Variants in FOXP1 observed in about 807,000 individuals in gnomAD.
The protein encoded by FOXP1 is forkhead box P1, also known as forkhead box protein P1.
In FOXP1, 15 loss-of-function variants were observed where a neutral mutation model predicts 98.2. The ratio of observed to expected loss-of-function variants is 0.15; its 90% CI spans 0.10 to 0.24. The LOEUF is 0.24. Ranked by LOEUF, FOXP1 falls within the 10% of genes least tolerant of loss-of-function variation. FOXP1 has a pLI of 1.00. For missense variants in FOXP1, 633 were observed against 848.5 expected (o/e 0.75, Z 3.15); for synonymous variants, 371 against 314.5 (o/e 1.18, Z -1.90).
At chr3:71,129,151 C>T (rs898970263) in intron 6 of FOXP1, among the ~76,000 whole-genome samples, 1 of 152,042 alleles carries the variant, frequency 6.6e-6, no homozygotes, top group African/African-American at 2.4e-5. Flanking sequence ...GCCCACTGTT[C>T]CCACACTGAG....
At chr3:71,397,012 A>ATATATACACACATATATGTG (rs1560425048) in intron 3 of FOXP1, among the ~76,000 whole-genome samples, 2 of 33,644 alleles carry the variant, frequency 5.9e-5, no homozygotes, top group African/African-American at 2.6e-4. Context: ...ATATGTGTAT[A>ATATATACACACATATATGTG]TATATATATA....
chr3:71,180,832 T>C (rs2062245620), intron 6 of FOXP1, among the ~76,000 whole-genome samples: 1 of 152,222 alleles, frequency 6.6e-6, no homozygotes, highest in Non-Finnish European at 1.5e-5. Flanking sequence ...TCAATTCAGA[T>C]TCTGGAGGCA....
chr3:71,376,828 C>G (rs2079751479), intron 3 of FOXP1, among the ~76,000 whole-genome samples: 1 of 152,058 alleles, frequency 6.6e-6, no homozygotes, highest in South Asian at 2.1e-4. Context: ...CATGTACATT[C>G]TCCAGAATGT....
At chr3:71,328,240 C>A (rs1168547605) in intron 4 of FOXP1, among the ~76,000 whole-genome samples, 1 of 151,644 alleles carries the variant, frequency 6.6e-6, no homozygotes, top group African/African-American at 2.4e-5. Flanking sequence ...ACCAGCTTGG[C>A]CAACATGGTA....
intron 7 of FOXP1, among the ~76,000 whole-genome samples, chr3:71,112,049 C>T (rs144345443): frequency 0.012 from 1,731 of 144,022 alleles, 16 homozygotes; most frequent in African/African-American, 0.032. Context: ...GCCAGCAACA[C>T]CTCTGCCCTG....
chr3:71,094,789 T>C (rs911456798), intron 7 of FOXP1, among the ~76,000 whole-genome samples: 2 of 152,322 alleles, frequency 1.3e-5, no homozygotes, highest in African/African-American at 4.8e-5. Flanking sequence ...ATGGTGGAGA[T>C]GAGAGCTATC....
chr3:70,990,053 T>C (rs2040371251), intron 13 of FOXP1, among the ~76,000 whole-genome samples: 1 of 152,208 alleles, frequency 6.6e-6, no homozygotes, highest in African/African-American at 2.4e-5. Flanking sequence ...TTCATATTTT[T>C]CCATGAGCAC....
chr3:70,998,083 C>T, intron 13 of FOXP1, among the ~76,000 whole-genome samples: 1 of 152,166 alleles, frequency 6.6e-6, no homozygotes, highest in East Asian at 1.9e-4. Flanking sequence ...GCAGCCAGAA[C>T]CTAAGGGGAC....
At chr3:71,397,379 T>C (rs1191996291) in intron 3 of FOXP1, among the ~76,000 whole-genome samples, 1 of 151,966 alleles carries the variant, frequency 6.6e-6, no homozygotes, top group Non-Finnish European at 1.5e-5. Flanking sequence ...TCTGGGAACG[T>C]TTTATCTGGA....
At chr3:70,981,064 G>A (rs971659461) in intron 14 of FOXP1, among the ~76,000 whole-genome samples, 5 of 151,962 alleles carry the variant, frequency 3.3e-5, no homozygotes, top group African/African-American at 1.2e-4. Flanking sequence ...GCAAGTGCAA[G>A]CCCATCTTTT....
At chr3:70,970,382 C>T (rs73116398) in intron 19 of FOXP1, 9,421 of 309,200 alleles carry the variant, frequency 0.03, 331 homozygotes, top group African/African-American at 0.11. Context: ...GGTCATGTGA[C>T]GCAGTGGCCT....
Position 70,972,560 on chromosome 3 carries a change from G to C in FOXP1, c.1647C>G (p.Ile549Met), listed in dbSNP as rs764893417. The change falls in exon 18 of 21, where the codon ATC (isoleucine) becomes ATG (methionine). Residue 549 changes from isoleucine (I) to methionine (M), a missense_variant. By Grantham distance (10) the Ile-to-Met change is conservative. Transcript: ENST00000649528. ...TTCAAACATGGTGGACGTACCCACT[G>C]ATCTTTTGTGGCCTTCGTTTTTGGA... ...VEFQKRRPQK[I>M]SGNPSLIKNM... is the part of the protein sequence containing the mutation. 7 of 1,614,204 alleles carry C rather than the reference G, an allele frequency of 4.3e-6. No homozygotes were observed. The highest frequency in any genetic ancestry group is 1.1e-5 in the South Asian group (1 of 91,082).
At chr3:71,016,995 T>A in intron 11 of FOXP1, among the ~76,000 whole-genome samples, 1 of 149,332 alleles carries the variant, frequency 6.7e-6, no homozygotes. Flanking sequence ...CCACAGAAAA[T>A]AGGTCTTAGA....
intron 5 of FOXP1, chr3:71,211,010 G>A (rs996136184): frequency 2.6e-5 from 4 of 152,148 alleles, no homozygotes; most frequent in African/African-American, 9.7e-5. Flanking sequence ...CCTTCATAAA[G>A]GGAAATCATA....
intron 14 of FOXP1, among the ~76,000 whole-genome samples, chr3:70,985,036 A>G (rs1179068210): frequency 6.6e-6 from 1 of 152,238 alleles, no homozygotes; most frequent in African/African-American, 2.4e-5. Context: ...GTGAAAAGCA[A>G]CATTTACAGC....
At chr3:71,207,645 G>T (rs760096564) in intron 5 of FOXP1, among the ~76,000 whole-genome samples, 1 of 152,136 alleles carries the variant, frequency 6.6e-6, no homozygotes, top group East Asian at 1.9e-4. Context: ...ACCCTGGTCG[G>T]TGTTGTATCT....
rs2037813411 is a variant in FOXP1 at position 70,977,509 on chromosome 3, AG to A, written c.1428+133del. On this transcript the variant is annotated intron_variant, in intron 16 of 20. Transcript: ENST00000649528. Reference sequence around the variant, plus strand: ...CAAAAGCAATTATGTTATATATTGCAGTTTTAAAAAACCTTATAGAAAAGGT... The same window carrying A: ...CAAAAGCAATTATGTTATATATTGCATTTTAAAAAACCTTATAGAAAAGGT... 4.2e-6 allele frequency: 3 copies of A among 707,444 alleles called. No individual in the cohort carries two copies. In the South Asian group the frequency reaches 4.9e-5, roughly 11 times the overall value. 43.8% of individuals were successfully genotyped at this position (707,444 alleles called of 1,614,324 possible). A position where few individuals can be genotyped will look rare whatever the true frequency, so the allele number is the denominator to read the frequency against.
chr3:71,127,220 A>T (rs1432126462), intron 6 of FOXP1, among the ~76,000 whole-genome samples: 2 of 152,188 alleles, frequency 1.3e-5, no homozygotes, highest in Non-Finnish European at 2.9e-5. Flanking sequence ...GAAGAATCAC[A>T]CAGTACCATA....
At chr3:71,047,963 T>C (rs1441383635) in intron 9 of FOXP1, among the ~76,000 whole-genome samples, 1 of 152,202 alleles carries the variant, frequency 6.6e-6, no homozygotes, top group Non-Finnish European at 1.5e-5. Flanking sequence ...AAAATTAATG[T>C]AGATTTCCTC....
Sources: gnomAD v4.1 joint callset for allele counts (sites outside exome capture counted in the v4.1 genomes callset) on GRCh38, gnomAD v4.1.1 for gene constraint, MANE v1.5 for transcripts, NCBI Gene and HGNC (gene_info 2026-07-23, HGNC 2026-07-21) for gene names.